Variants in SLC7A14 observed in about 807,000 individuals in gnomAD.
The protein encoded by SLC7A14 is gamma-aminobutyric acid transporter SLC7A14.
SLC7A14 carries 37 observed loss-of-function variants against 60.2 expected under a neutral mutation model. The ratio of observed to expected loss-of-function variants is 0.61; its 90% CI spans 0.47 to 0.81. The LOEUF is 0.81. SLC7A14 is among the 30% of genes least tolerant of loss of function. SLC7A14 has a pLI of 0.00. For missense variants in SLC7A14, 886 were observed against 982.7 expected, an observed-to-expected ratio of 0.90 and a Z score of 1.32; for synonymous variants, 399 against 395.8, an observed-to-expected ratio of 1.01 and a Z score of -0.10.
At chr3:170,518,169 T>G (rs1450771130) in intron 2 of SLC7A14, among the ~76,000 whole-genome samples, 1 of 152,136 alleles carries the variant, frequency 6.6e-6, no homozygotes, top group Non-Finnish European at 1.5e-5. Context: ...ACAGGGTTGA[T>G]GAAGATGGGA....
At chr3:170,493,217 A>G (rs1400647203) in intron 4 of SLC7A14, among the ~76,000 whole-genome samples, 3 of 152,250 alleles carry the variant, frequency 2.0e-5, no homozygotes, top group African/African-American at 7.2e-5. Context: ...GAGTTACTTG[A>G]TATAGGGAAA....
chr3:170,525,332 A>G (rs901623771), intron 2 of SLC7A14, among the ~76,000 whole-genome samples: 2 of 152,240 alleles, frequency 1.3e-5, no homozygotes, highest in African/African-American at 4.8e-5. Flanking sequence ...CCATTTTTAC[A>G]AAGTATCGGC....
chr3:170,535,040 G>T lies in SLC7A14; in HGVS notation c.-152-7952C>A, dbSNP rs1713796904. Among the ~76,000 whole-genome samples, 1 of 152,080 alleles carries T rather than the reference G, an allele frequency of 6.6e-6. No individual in the cohort carries two copies. ...CTCCTTCGATGCCCCAGTCAGGGAGGGTATCACAGTTTGACATCACCTTCT... is the reference window on the plus strand; with the variant it reads ...CTCCTTCGATGCCCCAGTCAGGGAGTGTATCACAGTTTGACATCACCTTCT... On this transcript the variant is annotated intron_variant, in intron 1 of 7. Coordinates refer to ENST00000231706, the MANE Select transcript of SLC7A14 (RefSeq NM_020949.3). The surrounding 1 kb of genome is among the most constrained non-coding windows in gnomAD (Gnocchi z 4.3).
intron 1 of SLC7A14, among the ~76,000 whole-genome samples, chr3:170,533,354 G>A (rs1197513895): frequency 6.6e-6 from 1 of 152,178 alleles, no homozygotes; most frequent in Non-Finnish European, 1.5e-5. Context: ...GTGTGTCCCA[G>A]TAACTCTCTT....
At chr3:170,498,172 T>C (rs1473307288) in intron 4 of SLC7A14, among the ~76,000 whole-genome samples, 1 of 152,250 alleles carries the variant, frequency 6.6e-6, no homozygotes, top group Non-Finnish European at 1.5e-5. Flanking sequence ...TCTTAGTAGA[T>C]TGTAGACATA....
At chr3:170,582,605 A>G (rs1346688198) in intron 1 of SLC7A14, among the ~76,000 whole-genome samples, 4 of 152,214 alleles carry the variant, frequency 2.6e-5, no homozygotes, top group East Asian at 3.8e-4. Context: ...TTATGTATTT[A>G]ATTACAAATT....
chr3:170,540,099 A>G (rs949717653), intron 1 of SLC7A14, among the ~76,000 whole-genome samples: 8 of 152,158 alleles, frequency 5.3e-5, no homozygotes, highest in Admixed American at 1.3e-4. Context: ...GGACAAAGGA[A>G]TGATTCATGT....
intron 1 of SLC7A14, among the ~76,000 whole-genome samples, chr3:170,580,511 G>T (rs1014050848): frequency 6.6e-6 from 1 of 152,190 alleles, no homozygotes; most frequent in Non-Finnish European, 1.5e-5. Flanking sequence ...TAACAGCTTC[G>T]CTTATTTTTC....
intron 1 of SLC7A14, among the ~76,000 whole-genome samples, chr3:170,558,414 A>T (rs1365269921): frequency 2.0e-5 from 3 of 152,086 alleles, no homozygotes; most frequent in Non-Finnish European, 4.4e-5. Context: ...AAATAAATAA[A>T]GTCAGTGGAT....
At position 170,464,019 on chromosome 3, in the gene SLC7A14, T is replaced by C. The variant is rs1175461927; in HGVS notation, c.*3036A>G. 6.6e-6 allele frequency: 1 copy of C among 152,230 alleles called. No homozygotes were observed. The highest frequency in any genetic ancestry group is 2.4e-5 in the African/African-American group (1 of 41,462). The allele number at this position is 152,230 out of a possible 1,614,324, so 9.4% of individuals were successfully genotyped here. On this transcript the variant is annotated 3_prime_UTR_variant, in exon 8 of 8. Transcript: ENST00000231706. Reference sequence around the variant, plus strand: ...CTATTATTTTTCATGGTGTCACTCATTGGCAAATTTAGTAAAGCATGTCAG... The same window carrying C: ...CTATTATTTTTCATGGTGTCACTCACTGGCAAATTTAGTAAAGCATGTCAG...
rs376276661 is a variant in SLC7A14 at position 170,545,489 on chromosome 3, T to C, written c.-152-18401A>G. On this transcript the variant is annotated intron_variant, in intron 1 of 7. Transcript: ENST00000231706. ...ATGATGTGGGCTGTCCCTGTAGAGT[T>C]TAATTGGCCAAATTGGAAGAGCTTA... 1.1e-4 allele frequency among the ~76,000 whole-genome samples: 17 copies of C among 152,328 alleles called. No individual in the cohort carries two copies. The East Asian group carries it at 3.3e-3, about 29-fold the overall frequency.
intron 4 of SLC7A14, chr3:170,496,599 A>G (rs1712404321): frequency 6.3e-7 from 1 of 1,589,644 alleles, no homozygotes; most frequent in African/African-American, 1.3e-5. Flanking sequence ...GGAGATCGCC[A>G]CCTACAGGAA....
intron 1 of SLC7A14, among the ~76,000 whole-genome samples, chr3:170,562,125 GC>G (rs1215149397): frequency 1.3e-5 from 2 of 152,148 alleles, no homozygotes; most frequent in Non-Finnish European, 2.9e-5. Flanking sequence ...ATTTGATCCA[GC>G]AATCCACTAC....
chr3:170,480,356 C>T lies in SLC7A14; in HGVS notation c.1926G>A (p.Val642=). 1.3e-6 allele frequency: 2 copies of T among 1,599,112 alleles called. No individual in the cohort carries two copies. Among genetic ancestry groups the T allele is most frequent in the African/African-American group, 1.3e-5 (1 of 74,656 alleles). Reference sequence around the variant, plus strand: ...AGAGCTTTAGCATGAGATAGATGTTCACCAGCATGGCAAAGGCAGGCACAA... The same window carrying T: ...AGAGCTTTAGCATGAGATAGATGTTTACCAGCATGGCAAAGGCAGGCACAA... ...LPFVPAFAML[V]NIYLMLKLST... is the part of the protein sequence containing the mutation. The change falls in exon 7 of 8, where the codon GTG becomes GTA. Residue 642 remains valine (V), a synonymous_variant. Coordinates refer to ENST00000231706, the MANE Select transcript of SLC7A14 (RefSeq NM_020949.3).
chr3:170,545,595 T>C (rs975823866), intron 1 of SLC7A14, among the ~76,000 whole-genome samples: 1 of 152,182 alleles, frequency 6.6e-6, no homozygotes, highest in Non-Finnish European at 1.5e-5. Context: ...TTTCTTCCTA[T>C]TATTTTTCCC....
At chr3:170,574,401 A>G (rs1048357075) in intron 1 of SLC7A14, among the ~76,000 whole-genome samples, 1 of 152,138 alleles carries the variant, frequency 6.6e-6, no homozygotes, top group African/African-American at 2.4e-5. Context: ...TCTTGCTTAA[A>G]TCCATCTAAT....
chr3:170,567,909 C>T (rs994667040), intron 1 of SLC7A14, among the ~76,000 whole-genome samples: 1 of 151,394 alleles, frequency 6.6e-6, no homozygotes, highest in Non-Finnish European at 1.5e-5. Context: ...TGGATATTAG[C>T]CCTTTGTCAG....
intron 1 of SLC7A14, among the ~76,000 whole-genome samples, chr3:170,582,679 AT>A (rs1715268898): frequency 6.6e-6 from 1 of 152,234 alleles, no homozygotes; most frequent in Non-Finnish European, 1.5e-5. Flanking sequence ...AAGAAGCCAT[AT>A]GGGAATTTTT....
chr3:170,515,354 T>C (rs1189498778), intron 2 of SLC7A14, among the ~76,000 whole-genome samples: 4 of 151,180 alleles, frequency 2.6e-5, no homozygotes, highest in African/African-American at 4.9e-5. Context: ...ATATATATAT[T>C]ATGGATATGG....
Sources: gnomAD v4.1 joint callset for allele counts (sites outside exome capture counted in the v4.1 genomes callset) on GRCh38, gnomAD v4.1.1 for gene constraint, Gnocchi (gnomAD v3.1) non-coding constraint, MANE v1.5 for transcripts, NCBI Gene and HGNC (gene_info 2026-07-23, HGNC 2026-07-21) for gene names.